SLC16A2: variants seen among roughly 807,000 people sequenced by gnomAD.
SLC16A2 encodes the protein solute carrier family 16 member 2, also known as monocarboxylate transporter 8.
A neutral mutation model predicts 27.2 loss-of-function variants in SLC16A2; 3 were observed. The observed-to-expected ratio is 0.11, with a 90% CI of 0.05 to 0.28. The LOEUF (loss-of-function observed/expected upper bound fraction) is 0.28. Ranked by LOEUF, SLC16A2 falls within the 10% of genes least tolerant of loss-of-function variation. SLC16A2 has a pLI of 1.00. For synonymous variants in SLC16A2, 202 were observed against 187.8 expected (o/e 1.08, Z -0.62); for missense variants, 295 against 458.5 (o/e 0.64, Z 3.26).
At chrX:74,472,758 C>T (rs753834617) in intron 1 of SLC16A2, among the ~76,000 whole-genome samples, 1 of 108,824 alleles carries the variant, frequency 9.2e-6, no homozygotes. Flanking sequence ...AAAAAAACAA[C>T]CTACATTAAA....
intron 1 of SLC16A2, among the ~76,000 whole-genome samples, chrX:74,520,450 C>G (rs2147869348): frequency 9.0e-6 from 1 of 111,718 alleles, no homozygotes; most frequent in East Asian, 2.8e-4. Context: ...ATAATATCTG[C>G]TTGAGTTTGA....
At chrX:74,501,663 C>A (rs369321879) in intron 1 of SLC16A2, among the ~76,000 whole-genome samples, 1 of 111,190 alleles carries the variant, frequency 9.0e-6, no homozygotes, top group African/African-American at 3.3e-5. Context: ...GCTGGCCCAC[C>A]GCATGGAAAG....
intron 1 of SLC16A2, among the ~76,000 whole-genome samples, chrX:74,475,214 A>G (rs1446342883): frequency 9.2e-6 from 1 of 108,587 alleles, no homozygotes; most frequent in African/African-American, 3.4e-5. Flanking sequence ...TTTGATTTGC[A>G]TTTCTCTGAT....
chrX:74,489,424 C>T (rs1412809227), intron 1 of SLC16A2, among the ~76,000 whole-genome samples: 1 of 111,846 alleles, frequency 8.9e-6, no homozygotes, highest in Non-Finnish European at 1.9e-5. Context: ...AGCATGAAAG[C>T]ACTTGATCAA....
chrX:74,470,087 T>C (rs775188978), intron 1 of SLC16A2, among the ~76,000 whole-genome samples: 1 of 111,491 alleles, frequency 9.0e-6, no homozygotes, highest in South Asian at 3.8e-4. Context: ...CCTTTTCAGA[T>C]TGGTGTCTTT....
At chrX:74,469,036 A>G (rs966165540) in intron 1 of SLC16A2, among the ~76,000 whole-genome samples, 1 of 111,741 alleles carries the variant, frequency 8.9e-6, no homozygotes, top group African/African-American at 3.3e-5. Context: ...TCATGAGACC[A>G]ATCAACCTTT....
intron 1 of SLC16A2, among the ~76,000 whole-genome samples, chrX:74,475,311 G>A (rs1269367620): frequency 5.1e-4 from 49 of 95,649 alleles, no homozygotes; most frequent in African/African-American, 1.8e-3. Context: ...TCCTTCGCCC[G>A]CTTGTTGATG....
chrX:74,530,444 G>A (rs1041414012), intron 5 of SLC16A2, among the ~76,000 whole-genome samples: 2 of 111,934 alleles, frequency 1.8e-5, no homozygotes, highest in African/African-American at 3.2e-5. Context: ...ATTGATTCAC[G>A]CATTAGCTTC....
In SLC16A2 at chrX:74,531,355, G is replaced by A. The variant is rs1480408755; in HGVS notation, c.1422G>A (p.Gly474=). ...CAGGCCTACTCCGCAACTGTTTTGG[G>A]GACTACCATGTGGCCTTCTACTTTG... ...PIAGLLRNCF[G]DYHVAFYFAG... is the part of the protein sequence containing the mutation. Residue 474 remains glycine, a synonymous_variant, in exon 6 of 6, where the codon GGG becomes GGA. Transcript: ENST00000587091. 2 of 1,210,010 alleles carry A rather than the reference G, an allele frequency of 1.7e-6. No individual in the cohort carries two copies. Among genetic ancestry groups the A allele is most frequent in the Non-Finnish European group, 2.2e-6 (2 of 894,828 alleles).
intron 1 of SLC16A2, among the ~76,000 whole-genome samples, chrX:74,509,097 G>C (rs1355887173): frequency 1.8e-5 from 2 of 110,781 alleles, no homozygotes; most frequent in African/African-American, 6.6e-5. Flanking sequence ...TGAGTAGCTG[G>C]AACTCCAGGT....
chrX:74,481,468 T>C (rs1929619140), intron 1 of SLC16A2, among the ~76,000 whole-genome samples: 1 of 111,648 alleles, frequency 9.0e-6, no homozygotes, highest in Non-Finnish European at 1.9e-5. Context: ...TTCCCTTTCA[T>C]TTAAGTAATT....
chrX:74,435,249 G>T (rs1928604443), intron 1 of SLC16A2, among the ~76,000 whole-genome samples: 1 of 110,144 alleles, frequency 9.1e-6, no homozygotes, highest in South Asian at 3.8e-4. Flanking sequence ...GGAGTTTCTG[G>T]AAAATGAAAA....
chrX:74,522,742 G>A (rs980200638), intron 2 of SLC16A2, among the ~76,000 whole-genome samples: 2 of 111,918 alleles, frequency 1.8e-5, no homozygotes, highest in Non-Finnish European at 3.8e-5. Flanking sequence ...TGGAGTAGGC[G>A]TTCTGTTCTC....
At chrX:74,456,306 G>A (rs752584274) in intron 1 of SLC16A2, among the ~76,000 whole-genome samples, 25 of 111,439 alleles carry the variant, frequency 2.2e-4, no homozygotes, top group African/African-American at 8.1e-4. Flanking sequence ...TCTTGGCCAG[G>A]CCCGAGCTTG....
intron 1 of SLC16A2, among the ~76,000 whole-genome samples, chrX:74,491,163 A>G (rs1929818188): frequency 8.9e-6 from 1 of 112,209 alleles, no homozygotes; most frequent in Non-Finnish European, 1.9e-5. Context: ...AATATAAGTG[A>G]CCAGGGCCCG....
intron 1 of SLC16A2, among the ~76,000 whole-genome samples, chrX:74,428,819 G>C: frequency 8.9e-6 from 1 of 111,893 alleles, no homozygotes; most frequent in Non-Finnish European, 1.9e-5. Context: ...ATTGTAGAAA[G>C]TCTTACTCAA....
chrX:74,451,765 G>A (rs1048089269), intron 1 of SLC16A2, among the ~76,000 whole-genome samples: 4 of 112,913 alleles, frequency 3.5e-5, no homozygotes, highest in Non-Finnish European at 7.5e-5. Flanking sequence ...TCCCTTGGGG[G>A]GTCCCCCCAC....
intron 1 of SLC16A2, among the ~76,000 whole-genome samples, chrX:74,506,148 G>A (rs762856885): frequency 4.5e-5 from 5 of 111,502 alleles, no homozygotes; most frequent in African/African-American, 1.6e-4. Flanking sequence ...TGACCCATGG[G>A]CTCAGGGTTC....
intron 4 of SLC16A2, among the ~76,000 whole-genome samples, 195 bp downstream of exon 4, chrX:74,526,088 G>A (rs1930483853): frequency 8.9e-6 from 1 of 112,257 alleles, no homozygotes; most frequent in East Asian, 2.8e-4. Context: ...GATTGAGTGA[G>A]GATTCTGTGA....
Sources: gnomAD v4.1 joint callset for allele counts (sites outside exome capture counted in the v4.1 genomes callset) on GRCh38, gnomAD v4.1.1 for gene constraint, MANE v1.5 for transcripts, NCBI Gene and HGNC (gene_info 2026-07-23, HGNC 2026-07-21) for gene names.